The following PTPRD variants were observed in gnomAD, a reference collection of about 807,000 sequenced individuals.
The protein encoded by PTPRD is receptor-type tyrosine-protein phosphatase delta.
PTPRD carries 34 observed loss-of-function variants against 214.5 expected under a neutral mutation model. The ratio of observed to expected loss-of-function variants is 0.16; its 90% CI spans 0.12 to 0.21. The LOEUF (loss-of-function observed/expected upper bound fraction) is 0.21, where lower values mean the gene tolerates loss of function less well. PTPRD is among the 10% of genes least tolerant of loss of function. The probability of loss-of-function intolerance (pLI) is 1.00; values close to 1 mark genes in which losing one functional copy is unlikely to be tolerated. For synonymous variants in PTPRD, 1,128 were observed against 845.7 expected, an observed-to-expected ratio of 1.33 and a Z score of -5.79; for missense variants, 2,545 against 2,398.7, an observed-to-expected ratio of 1.06 and a Z score of -1.27.
intron 11 of PTPRD, among the ~76,000 whole-genome samples, chr9:8,792,546 G>A (rs2096270585): frequency 6.6e-6 from 1 of 152,142 alleles, no homozygotes; most frequent in South Asian, 2.1e-4. Flanking sequence ...CTGAAATCTA[G>A]CTTTTGGACT....
chr9:9,777,492 T>G (rs1597496678), intron 5 of PTPRD, among the ~76,000 whole-genome samples: 1 of 152,056 alleles, frequency 6.6e-6, no homozygotes, highest in African/African-American at 2.4e-5. Flanking sequence ...CCCAAGAGTT[T>G]GAGACCAGCC....
intron 37 of PTPRD, among the ~76,000 whole-genome samples, chr9:8,377,649 T>C (rs547503766): frequency 2.0e-5 from 3 of 151,994 alleles, no homozygotes; most frequent in Non-Finnish European, 4.4e-5. Context: ...CCAACTGAAA[T>C]ACATTTCTCT....
chr9:10,542,052 A>C (rs1262769830), intron 2 of PTPRD, among the ~76,000 whole-genome samples: 1 of 152,160 alleles, frequency 6.6e-6, no homozygotes, highest in Non-Finnish European at 1.5e-5. Flanking sequence ...TTATTTCTCA[A>C]GGTGAGAAAT....
At chr9:10,170,125 A>G (rs78773988) in intron 3 of PTPRD, among the ~76,000 whole-genome samples, 2,974 of 152,300 alleles carry the variant, frequency 0.02, 58 homozygotes, top group African/African-American at 0.049. Context: ...TACATCAAAT[A>G]TGCCAATGCA....
chr9:10,004,053 AT>A (rs1317370314), intron 4 of PTPRD, among the ~76,000 whole-genome samples: 1 of 151,998 alleles, frequency 6.6e-6, no homozygotes, highest in Admixed American at 6.6e-5. Context: ...TCAAAAAATA[AT>A]TTAATGGGTA....
chr9:10,509,150 T>A (rs997514310), intron 2 of PTPRD, among the ~76,000 whole-genome samples: 27 of 152,032 alleles, frequency 1.8e-4, no homozygotes, highest in Non-Finnish European at 3.7e-4. Flanking sequence ...CAGGTAAACT[T>A]TGACCTACTT....
chr9:9,245,315 C>T (rs1312686819), intron 9 of PTPRD, among the ~76,000 whole-genome samples: 4 of 152,120 alleles, frequency 2.6e-5, no homozygotes, highest in Non-Finnish European at 4.4e-5. Context: ...AAGACACATG[C>T]ACACGTATGT....
chr9:8,918,213 G>T (rs959651744), intron 11 of PTPRD, among the ~76,000 whole-genome samples: 1 of 152,072 alleles, frequency 6.6e-6, no homozygotes, highest in African/African-American at 2.4e-5. Flanking sequence ...ATGTGTTAGT[G>T]CACACCTGCT....
rs538244597 is a variant in PTPRD, at chr9:9,756,396, A to G, written c.-326+10414T>C. On this transcript the variant is annotated intron_variant, in intron 6 of 45. Transcript: ENST00000381196. ...ACACAAGTTTAACATTGTAACATTTATTCAGTTTTAACAATGGTTTACGTT... is the reference window on the plus strand; with the variant it reads ...ACACAAGTTTAACATTGTAACATTTGTTCAGTTTTAACAATGGTTTACGTT... 2.0e-5 allele frequency among the ~76,000 whole-genome samples: 3 copies of G among 152,216 alleles called. No individual in the cohort carries two copies. The South Asian group carries it at 6.2e-4, about 32-fold the overall frequency.
chr9:9,734,964 A>T (rs1468348732), intron 6 of PTPRD, among the ~76,000 whole-genome samples: 2 of 152,122 alleles, frequency 1.3e-5, no homozygotes, highest in Admixed American at 1.3e-4. Flanking sequence ...GTTTCATTTT[A>T]AAAGACTTTT....
At chr9:8,773,866 G>A in intron 11 of PTPRD, among the ~76,000 whole-genome samples, 1 of 152,004 alleles carries the variant, frequency 6.6e-6, no homozygotes, top group African/African-American at 2.4e-5. Flanking sequence ...TTTCTGCCCT[G>A]GCTACTGAGA....
intron 11 of PTPRD, among the ~76,000 whole-genome samples, chr9:8,780,645 T>C (rs1167824121): frequency 2.0e-5 from 3 of 152,158 alleles, no homozygotes; most frequent in East Asian, 3.9e-4. Context: ...TGTCAGTCAG[T>C]AGAATGAAAA....
chr9:8,706,339 A>C (rs1357588941), intron 12 of PTPRD, among the ~76,000 whole-genome samples: 2 of 152,052 alleles, frequency 1.3e-5, no homozygotes, highest in African/African-American at 4.8e-5. Context: ...ATTTAGTCTG[A>C]CTCGAATATT....
At chr9:10,387,534 C>A (rs1037547592) in intron 2 of PTPRD, among the ~76,000 whole-genome samples, 26 of 151,780 alleles carry the variant, frequency 1.7e-4, no homozygotes, top group African/African-American at 5.8e-4. Flanking sequence ...CCTGGCCTCG[C>A]CTTTCCTCCC....
chr9:8,724,361 T>C (rs2098535235), intron 12 of PTPRD, among the ~76,000 whole-genome samples: 1 of 152,182 alleles, frequency 6.6e-6, no homozygotes, highest in African/African-American at 2.4e-5. Context: ...TTAAAAAATG[T>C]TTAAGTGTCA....
At chr9:10,410,671 T>A (rs573512480) in intron 2 of PTPRD, among the ~76,000 whole-genome samples, 2 of 151,908 alleles carry the variant, frequency 1.3e-5, no homozygotes, top group African/African-American at 4.8e-5. Context: ...TCATTGTTAA[T>A]CTAAATAATA....
chr9:9,929,065 A>C (rs1186343802), intron 5 of PTPRD, among the ~76,000 whole-genome samples: 1 of 152,168 alleles, frequency 6.6e-6, no homozygotes, highest in African/African-American at 2.4e-5. Context: ...AGAGTAGATA[A>C]TTGAGCCTAA....
At chr9:9,240,568 G>C (rs2099969845) in intron 9 of PTPRD, among the ~76,000 whole-genome samples, 1 of 152,084 alleles carries the variant, frequency 6.6e-6, no homozygotes, top group Non-Finnish European at 1.5e-5. Context: ...CTACTGGGGA[G>C]ACTGAGTTAG....
intron 11 of PTPRD, among the ~76,000 whole-genome samples, chr9:8,819,675 T>C (rs1379184029): frequency 6.6e-6 from 1 of 152,128 alleles, no homozygotes; most frequent in Non-Finnish European, 1.5e-5. Context: ...AAAAAGCTCT[T>C]TGTGAAACTT....
Sources: gnomAD v4.1 joint callset for allele counts (sites outside exome capture counted in the v4.1 genomes callset) on GRCh38, gnomAD v4.1.1 for gene constraint, MANE v1.5 for transcripts, NCBI Gene and HGNC (gene_info 2026-07-23, HGNC 2026-07-21) for gene names.